Variants in OTUD7A observed in about 807,000 individuals in gnomAD.
The protein encoded by OTUD7A is OTU domain-containing protein 7A.
OTUD7A carries 12 observed loss-of-function variants against 65.7 expected under a neutral mutation model. The observed-to-expected ratio is 0.18, with a 90% confidence interval of 0.12 to 0.30. The LOEUF (loss-of-function observed/expected upper bound fraction) is 0.30. Ranked by LOEUF, OTUD7A falls within the 10% of genes least tolerant of loss-of-function variation. The pLI is 1.00. For missense variants in OTUD7A, 1,148 were observed against 1,304.8 expected (o/e 0.88, Z 1.85); for synonymous variants, 641 against 586.3 (o/e 1.09, Z -1.35).
chr15:31,869,865 C>A (rs1897978543), intron 1 of OTUD7A, among the ~76,000 whole-genome samples: 1 of 152,202 alleles, frequency 6.6e-6, no homozygotes, highest in Non-Finnish European at 1.5e-5. Context: ...GCACTTAAAG[C>A]ACCGCAGATG....
chr15:31,631,500 TTCTC>T (rs1386935890), intron 3 of OTUD7A, among the ~76,000 whole-genome samples: 6 of 152,148 alleles, frequency 3.9e-5, no homozygotes, highest in Non-Finnish European at 8.8e-5. Flanking sequence ...TACCCGACCT[TTCTC>T]TCTGTCTGCG....
intron 10 of OTUD7A, among the ~76,000 whole-genome samples, chr15:31,496,906 C>CTT (rs563644044): frequency 3.2e-4 from 48 of 149,116 alleles, no homozygotes; most frequent in Non-Finnish European, 5.4e-4. Flanking sequence ...TTTGCAAAAA[C>CTT]TTTTTTTTTT....
At chr15:31,665,955 C>A (rs1366520840) in intron 1 of OTUD7A, among the ~76,000 whole-genome samples, 2 of 151,578 alleles carry the variant, frequency 1.3e-5, no homozygotes, top group African/African-American at 2.4e-5. Context: ...TGGTACATTG[C>A]GTTTATTGAC....
At chr15:31,795,954 C>G (rs138201173) in intron 1 of OTUD7A, among the ~76,000 whole-genome samples, 2 of 152,332 alleles carry the variant, frequency 1.3e-5, no homozygotes, top group East Asian at 3.9e-4. Flanking sequence ...GGTAAACACT[C>G]TAACTGCTTC....
chr15:31,773,881 C>T (rs1165714376), intron 1 of OTUD7A, among the ~76,000 whole-genome samples: 2 of 152,146 alleles, frequency 1.3e-5, no homozygotes, highest in East Asian at 1.9e-4. Context: ...CTGGGAGAGG[C>T]AATTTATAAT....
At chr15:31,866,906 G>A (rs1414528116) in intron 1 of OTUD7A, among the ~76,000 whole-genome samples, 1 of 152,182 alleles carries the variant, frequency 6.6e-6, no homozygotes. Context: ...GAAGCATAAA[G>A]AAATGCCCAG....
rs779660581 is a variant in OTUD7A, at chr15:31,559,051, C to T, written c.468G>A (p.Leu156=). ...MPIYTFQLPD[L]SVYSEDFRSF... is the part of the protein sequence containing the mutation. The stretch of plus-strand genomic sequence containing the variant: ...TCCTGAAATCCTCGCTGTACACGCT[C>T]AGGTCTGGCAACTGGAATGTGTAGA... The change falls in exon 5 of 13, where the codon CTG becomes CTA. Residue 156 remains leucine (L), a synonymous_variant. Coordinates refer to ENST00000307050, the MANE Select transcript of OTUD7A (RefSeq NM_001382637.1). 6 of 1,614,236 alleles carry T rather than the reference C, an allele frequency of 3.7e-6. No individual in the cohort carries two copies. The highest frequency in any genetic ancestry group is 1.1e-5 in the South Asian group (1 of 91,086).
rs1340991001 is a variant in OTUD7A at position 31,577,834 on chromosome 15, AC to A, written c.152-7638del. ...TTGATTCCAGTAAAAAAAAAAAAAA[AC>A]AACACAGAAGCAGGTTTTGTTTTCC... On this transcript the variant is annotated intron_variant, in intron 3 of 12. Coordinates refer to ENST00000307050, the MANE Select transcript of OTUD7A (RefSeq NM_001382637.1). Among the ~76,000 whole-genome samples the A allele has an allele frequency of 3.0e-3, 448 of 151,042 alleles. 3 individuals are homozygous for A. Among genetic ancestry groups the A allele is most frequent in the Non-Finnish European group, 3.4e-3 (234 of 67,838 alleles).
chr15:31,767,106 T>C, intron 1 of OTUD7A: 4 of 1,548,994 alleles, frequency 2.6e-6, no homozygotes, highest in Non-Finnish European at 2.6e-6. Flanking sequence ...CAGTAGAATC[T>C]GATTCTTCTT....
At chr15:31,604,810 G>A (rs569549345) in intron 3 of OTUD7A, among the ~76,000 whole-genome samples, 4 of 152,274 alleles carry the variant, frequency 2.6e-5, no homozygotes, top group African/African-American at 9.6e-5. Flanking sequence ...TCAACAAGAT[G>A]GGCAAGTGTG....
intron 1 of OTUD7A, among the ~76,000 whole-genome samples, chr15:31,739,944 C>G (rs752313220): frequency 6.6e-6 from 1 of 152,222 alleles, no homozygotes; most frequent in Non-Finnish European, 1.5e-5. Flanking sequence ...ACAGAAGAGG[C>G]AGAAATCCCT....
chr15:31,787,444 A>T (rs1053466423), intron 1 of OTUD7A: 1 of 152,226 alleles, frequency 6.6e-6, no homozygotes, highest in African/African-American at 2.4e-5. Flanking sequence ...TCAAAGAGTT[A>T]AAGATGGAGG....
intron 3 of OTUD7A, among the ~76,000 whole-genome samples, chr15:31,611,732 T>C (rs955152569): frequency 2.6e-5 from 4 of 151,972 alleles, no homozygotes; most frequent in Non-Finnish European, 5.9e-5. Context: ...GACAAAGAAT[T>C]GGTACCAATT....
At chr15:31,753,450 C>G (rs1192961457) in intron 1 of OTUD7A, among the ~76,000 whole-genome samples, 2 of 151,358 alleles carry the variant, frequency 1.3e-5, no homozygotes, top group Non-Finnish European at 2.9e-5. Flanking sequence ...TCCTTCACCC[C>G]CTTCCCACTC....
intron 1 of OTUD7A, among the ~76,000 whole-genome samples, chr15:31,789,037 T>C (rs1488618009): frequency 2.0e-5 from 3 of 152,154 alleles, no homozygotes; most frequent in Non-Finnish European, 2.9e-5. Context: ...TACCATAATC[T>C]TACACCCAGT....
At chr15:31,552,517 T>A (rs1189867335) in intron 5 of OTUD7A, among the ~76,000 whole-genome samples, 4 of 152,180 alleles carry the variant, frequency 2.6e-5, no homozygotes, top group Non-Finnish European at 5.9e-5. Flanking sequence ...TGATGCTGAG[T>A]ATGCATCCAG....
chr15:31,569,806 C>A (rs938191551), intron 4 of OTUD7A, among the ~76,000 whole-genome samples: 2 of 152,172 alleles, frequency 1.3e-5, no homozygotes, highest in African/African-American at 4.8e-5. Context: ...AAATCAGACT[C>A]ATTTTTCTGC....
intron 1 of OTUD7A, among the ~76,000 whole-genome samples, chr15:31,759,159 G>A (rs1001092674): frequency 6.6e-6 from 1 of 152,052 alleles, no homozygotes; most frequent in Non-Finnish European, 1.5e-5. Flanking sequence ...TCCAGGCCTC[G>A]AGGTCTCCAG....
At chr15:31,508,808 C>A (rs999159224) in intron 8 of OTUD7A, among the ~76,000 whole-genome samples, 2 of 152,264 alleles carry the variant, frequency 1.3e-5, no homozygotes, top group African/African-American at 4.8e-5. Context: ...ATGGTGACGT[C>A]TTCTGCTCCA....
Sources: gnomAD v4.1 joint callset for allele counts (sites outside exome capture counted in the v4.1 genomes callset) on GRCh38, gnomAD v4.1.1 for gene constraint, MANE v1.5 for transcripts, NCBI Gene and HGNC (gene_info 2026-07-23, HGNC 2026-07-21) for gene names.